The following SEMA6A variants were observed in gnomAD, a reference collection of about 807,000 sequenced individuals.
The protein encoded by SEMA6A is semaphorin-6A.
In SEMA6A, 25 loss-of-function variants were observed where a neutral mutation model predicts 96.8. That is an observed-to-expected ratio of 0.26 (90% confidence interval 0.19 to 0.36). SEMA6A has a LOEUF of 0.36. SEMA6A is among the 10% of genes least tolerant of loss of function. The probability of loss-of-function intolerance (pLI) is 1.00; values close to 1 mark genes in which losing one functional copy is unlikely to be tolerated. For synonymous variants in SEMA6A, 612 were observed against 518.0 expected (o/e 1.18, Z -2.46); for missense variants, 1,363 against 1,323.1 (o/e 1.03, Z -0.47).
chr5:116,562,716 T>C, intron 1 of SEMA6A: 1 of 733,396 alleles, frequency 1.4e-6, no homozygotes, highest in Non-Finnish European at 2.6e-6. Flanking sequence ...AAAGAAACCC[T>C]CTGCCGTGTG....
At chr5:116,476,850 A>G (rs187604431) in intron 15 of SEMA6A, among the ~76,000 whole-genome samples, 2 of 152,354 alleles carry the variant, frequency 1.3e-5, no homozygotes, top group Admixed American at 6.5e-5. Context: ...CTAATAATAT[A>G]CAGAGACTCA....
intron 1 of SEMA6A, among the ~76,000 whole-genome samples, chr5:116,544,240 C>CAG (rs1311463812): frequency 6.6e-6 from 1 of 152,060 alleles, no homozygotes; most frequent in African/African-American, 2.4e-5. Context: ...ATGCAGTTTA[C>CAG]AGAGGTCTCC....
At chr5:116,544,793 C>T (rs954658925) in intron 1 of SEMA6A, among the ~76,000 whole-genome samples, 1 of 152,216 alleles carries the variant, frequency 6.6e-6, no homozygotes, top group Non-Finnish European at 1.5e-5. Context: ...AGGGGGAAAA[C>T]AGTTTATTTA....
intron 1 of SEMA6A, among the ~76,000 whole-genome samples, chr5:116,525,527 C>G (rs1759181549): frequency 1.3e-5 from 2 of 152,130 alleles, no homozygotes; most frequent in Non-Finnish European, 2.9e-5. Context: ...TCCCTTGTTT[C>G]CTAAAAACAT....
chr5:116,495,529 A>G lies in SEMA6A; in HGVS notation c.343-15T>C. On this transcript the variant is annotated splice_polypyrimidine_tract_variant and intron_variant, in intron 5 of 18. Coordinates refer to ENST00000343348, the MANE Select transcript of SEMA6A (RefSeq NM_020796.5). ...TGGCACTCATCCTGAAAAATAATTC[A>G]AACTGTTTTGTATCATGTCCATTCA... 6.5e-7 allele frequency: 1 copy of G among 1,543,634 alleles called. No individual in the cohort carries two copies. Among genetic ancestry groups the G allele is most frequent in the South Asian group, 1.2e-5 (1 of 85,116 alleles).
intron 1 of SEMA6A, among the ~76,000 whole-genome samples, chr5:116,562,124 T>C (rs986626773): frequency 1.3e-5 from 2 of 152,236 alleles, no homozygotes; most frequent in African/African-American, 4.8e-5. Flanking sequence ...CATACTGCTA[T>C]GCAGTCAGAC....
At chr5:116,467,882 AGTG>A (rs3073761) in intron 17 of SEMA6A, 135 bp from the exon 18 acceptor site, 173,310 of 542,620 alleles carry the variant, frequency 0.32, 28,607 homozygotes, top group East Asian at 0.72. Flanking sequence ...GACACGGCTT[AGTG>A]GTGGTGGTGG....
chr5:116,488,481 C>G (rs746151939), intron 8 of SEMA6A, among the ~76,000 whole-genome samples: 1 of 152,162 alleles, frequency 6.6e-6, no homozygotes, highest in Non-Finnish European at 1.5e-5. Flanking sequence ...GCCCCTATTA[C>G]AGAGAAGATT....
At chr5:116,461,266 G>A (rs758103552) in intron 18 of SEMA6A, among the ~76,000 whole-genome samples, 3 of 151,978 alleles carry the variant, frequency 2.0e-5, no homozygotes, top group South Asian at 2.1e-4. Context: ...GACCATGCAC[G>A]TTCTACCTGA....
intron 1 of SEMA6A, among the ~76,000 whole-genome samples, chr5:116,541,416 C>T (rs1024561975): frequency 3.3e-5 from 5 of 151,454 alleles, no homozygotes; most frequent in African/African-American, 1.2e-4. Context: ...CAACCACATA[C>T]TAACATGACA....
At chr5:116,547,331 C>T (rs1326929750) in intron 1 of SEMA6A, among the ~76,000 whole-genome samples, 1 of 152,030 alleles carries the variant, frequency 6.6e-6, no homozygotes, top group Non-Finnish European at 1.5e-5. Context: ...AATTGCTAGC[C>T]AAAGCATGCA....
At chr5:116,551,795 A>G (rs1001916575) in intron 1 of SEMA6A, among the ~76,000 whole-genome samples, 3 of 152,254 alleles carry the variant, frequency 2.0e-5, no homozygotes, top group African/African-American at 7.2e-5. Context: ...TTTCTCTTTC[A>G]GCTTCCTGTC....
Position 116,496,241 on chromosome 5 carries a change from A to T in SEMA6A, c.342+10T>A, listed in dbSNP as rs1757594880. The stretch of plus-strand genomic sequence containing the variant: ...AAGTGGCAGCTGCAGGAGAAATGAA[A>T]ATTGCCTACCTTATGTTTTCCCTTC... On this transcript the variant is annotated intron_variant, in intron 5 of 18. Coordinates refer to ENST00000343348, the MANE Select transcript of SEMA6A (RefSeq NM_020796.5). 5 of 1,611,750 alleles carry T rather than the reference A, an allele frequency of 3.1e-6. No individual in the cohort carries two copies. The highest frequency in any genetic ancestry group is 4.2e-6 in the Non-Finnish European group (5 of 1,178,956).
chr5:116,487,203 G>T, intron 9 of SEMA6A: 1 of 454,540 alleles, frequency 2.2e-6, no homozygotes, highest in Non-Finnish European at 4.0e-6. Context: ...AATCCTTCAG[G>T]GAATCAGCTC....
intron 1 of SEMA6A, among the ~76,000 whole-genome samples, chr5:116,535,196 A>T (rs1759655306): frequency 6.6e-6 from 1 of 152,190 alleles, no homozygotes; most frequent in Non-Finnish European, 1.5e-5. Context: ...AGGAGAAGGA[A>T]GTGGAGTGAT....
At chr5:116,488,846 T>C (rs760723620) in intron 8 of SEMA6A, 42 bp downstream of exon 8, 1 of 1,524,322 alleles carries the variant, frequency 6.6e-7, no homozygotes, top group South Asian at 1.3e-5. Context: ...AGATGTGTAT[T>C]CCCCTCCCCT....
chr5:116,459,821 A>C (rs955963153), intron 18 of SEMA6A, among the ~76,000 whole-genome samples: 6 of 152,134 alleles, frequency 3.9e-5, no homozygotes, highest in African/African-American at 1.2e-4. Context: ...CTAAACTGTA[A>C]GCTGTCTGAA....
chr5:116,548,051 G>T (rs938398059), intron 1 of SEMA6A, among the ~76,000 whole-genome samples: 9 of 152,170 alleles, frequency 5.9e-5, no homozygotes, highest in African/African-American at 2.2e-4. Flanking sequence ...TGCAAACAGG[G>T]ATGTCTGGCA....
At chr5:116,519,349 TA>T (rs1190855230) in intron 1 of SEMA6A, among the ~76,000 whole-genome samples, 2 of 152,222 alleles carry the variant, frequency 1.3e-5, no homozygotes, top group Non-Finnish European at 2.9e-5. Flanking sequence ...GGTACTTTTT[TA>T]GTGTTTTGGG....
Sources: allele counts gnomAD v4.1 joint callset (sites outside exome capture counted in the v4.1 genomes callset), GRCh38; gene constraint gnomAD v4.1.1; transcripts MANE v1.5; gene names NCBI Gene and HGNC (gene_info 2026-07-23, HGNC 2026-07-21).